The following CLN8 variants were observed in gnomAD, a reference collection of about 807,000 sequenced individuals.
CLN8 encodes the protein protein CLN8.
CLN8 carries 14 observed loss-of-function variants against 15.7 expected under a neutral mutation model. The observed-to-expected ratio is 0.89, with a 90% CI of 0.59 to 1.39. CLN8 has a LOEUF of 1.39. CLN8 is among the 40% of genes most tolerant of loss of function. CLN8 has a pLI of 0.00. For synonymous variants in CLN8, 188 were observed against 151.0 expected (o/e 1.25, Z -1.80); for missense variants, 415 against 364.0 (o/e 1.14, Z -1.14).
chr8:1,757,386 A>G (rs995581319), intron 1 of CLN8, among the ~76,000 whole-genome samples: 1 of 152,232 alleles, frequency 6.6e-6, no homozygotes, highest in Non-Finnish European at 1.5e-5. Context: ...GTGGCCCCAC[A>G]GTAGCTATCT....
intron 2 of CLN8, among the ~76,000 whole-genome samples, chr8:1,772,552 G>A (rs551328072): frequency 5.1e-4 from 78 of 152,204 alleles, no homozygotes; most frequent in African/African-American, 1.8e-3. Context: ...TCCGCCACCC[G>A]GATTCAAGCA....
intron 2 of CLN8, among the ~76,000 whole-genome samples, chr8:1,771,906 A>C (rs1801322409): frequency 6.7e-6 from 1 of 148,820 alleles, no homozygotes; most frequent in Non-Finnish European, 1.5e-5. Context: ...GAAGCACTTA[A>C]TTTTTTCCTT....
chr8:1,760,248 A>G (rs1037135059), upstream of CLN8: 2 of 152,188 alleles, frequency 1.3e-5, no homozygotes, highest in African/African-American at 4.8e-5. Flanking sequence ...TGAAAGAACC[A>G]GTTTATCAAA....
chr8:1,756,242 G>A (rs182655893), intron 1 of CLN8, among the ~76,000 whole-genome samples: 2 of 152,288 alleles, frequency 1.3e-5, no homozygotes, highest in Non-Finnish European at 2.9e-5. Flanking sequence ...CTAGCACTTT[G>A]AGAGGCTGAG....
At chr8:1,769,317 C>T (rs140868339) in intron 1 of CLN8, among the ~76,000 whole-genome samples, 2 of 152,278 alleles carry the variant, frequency 1.3e-5, no homozygotes, top group African/African-American at 4.8e-5. Context: ...TCACAGCGAC[C>T]TTTTTGCCTG....
In CLN8 at chr8:1,771,268, G is replaced by C; in HGVS notation, c.214G>C (p.Val72Leu). The stretch of plus-strand genomic sequence containing the variant: ...CTGGGACCTGGCGGCCACGCGTGCA[G>C]TCTTTGGTGTTCAGAGCACAGCCGC... ...VFWDLAATRA[V>L]FGVQSTAAGL... The change falls in exon 2 of 3, where the codon GTC becomes CTC. Residue 72 changes from valine to leucine, a missense_variant. Coordinates refer to ENST00000331222, the MANE Select transcript of CLN8 (RefSeq NM_018941.4). 1 of 1,614,070 alleles carries C rather than the reference G, an allele frequency of 6.2e-7. No homozygotes were observed. The highest frequency in any genetic ancestry group is 8.5e-7 in the Non-Finnish European group (1 of 1,179,910).
In CLN8 at chr8:1,757,069, A is replaced by G. The variant is rs541777938; in HGVS notation, c.-124+987A>G. Among the ~76,000 whole-genome samples, 3 of 152,290 alleles carry G rather than the reference A, an allele frequency of 2.0e-5. No homozygotes were observed. In the South Asian group the frequency reaches 6.2e-4, roughly 32 times the overall value. ...ATCATTCCAAGAGATGAAGCTGGAG[A>G]GCAGGCCTATTTGGGGCAGCGGAAA... is the stretch of plus-strand genomic sequence containing the variant. On this transcript the variant is annotated intron_variant, in intron 1 of 1. Coordinates refer to the CLN8 transcript ENST00000524258.
intron 2 of CLN8, chr8:1,773,639 A>G (rs983022190): frequency 1.3e-5 from 2 of 152,368 alleles, no homozygotes; most frequent in African/African-American, 4.8e-5. Flanking sequence ...CGTTATTTCC[A>G]TAAGAGTGCA....
upstream of CLN8, among the ~76,000 whole-genome samples, chr8:1,754,106 G>T (rs1007393772): frequency 1.3e-5 from 2 of 152,042 alleles, no homozygotes; most frequent in African/African-American, 4.8e-5. Context: ...TACAAAAATT[G>T]CAAGTTAGCT....
intron 2 of CLN8, among the ~76,000 whole-genome samples, chr8:1,771,929 A>ATATTTATTTATTTATTTATT (rs142696456): frequency 3.2e-4 from 47 of 148,168 alleles, no homozygotes; most frequent in African/African-American, 1.0e-3. Flanking sequence ...TTTTAATACT[A>ATATTTATTTATTTATTTATT]TATTTATTTA....
intron 2 of CLN8, among the ~76,000 whole-genome samples, chr8:1,774,730 C>T (rs953922846): frequency 2.0e-5 from 3 of 152,210 alleles, no homozygotes; most frequent in African/African-American, 7.2e-5. Flanking sequence ...CGGTGGCTCA[C>T]ACCTGTAATC....
chr8:1,777,861 A>C (rs907692795), intron 2 of CLN8, among the ~76,000 whole-genome samples: 1 of 152,198 alleles, frequency 6.6e-6, no homozygotes, highest in Non-Finnish European at 1.5e-5. Flanking sequence ...GAAGGAGTAC[A>C]CTCCAAGATA....
chr8:1,771,150 T>C lies in CLN8; in HGVS notation c.96T>C (p.Phe32=). ...GIRSTLMVAG[F]VFYLGVFVVC... is the part of the protein sequence containing the mutation. Reference sequence around the variant, plus strand: ...GCTCCACGCTGATGGTCGCTGGCTTTGTCTTCTACTTGGGCGTCTTTGTGG... The same window carrying C: ...GCTCCACGCTGATGGTCGCTGGCTTCGTCTTCTACTTGGGCGTCTTTGTGG... Residue 32 remains phenylalanine (F), a synonymous_variant, in exon 2 of 3, where the codon TTT becomes TTC. Coordinates refer to ENST00000331222, the MANE Select transcript of CLN8 (RefSeq NM_018941.4). 6.2e-7 allele frequency: 1 copy of C among 1,614,132 alleles called. No individual in the cohort carries two copies. The highest frequency in any genetic ancestry group is 8.5e-7 in the Non-Finnish European group (1 of 1,180,036).
intron 2 of CLN8, chr8:1,773,658 G>A (rs1801402010): frequency 6.6e-6 from 1 of 152,404 alleles, no homozygotes; most frequent in Non-Finnish European, 1.5e-5. Flanking sequence ...CAGACTTCTG[G>A]GATGCAGGTC....
chr8:1,766,326 G>A (rs1202233644), intron 1 of CLN8, among the ~76,000 whole-genome samples: 1 of 152,056 alleles, frequency 6.6e-6, no homozygotes, highest in East Asian at 1.9e-4. Flanking sequence ...GGTGTGGAAG[G>A]GCTTGGAAGC....
At chr8:1,753,809 C>T (rs1434047146), upstream of CLN8, among the ~76,000 whole-genome samples, 1 of 151,530 alleles carries the variant, frequency 6.6e-6, no homozygotes, top group Non-Finnish European at 1.5e-5. Flanking sequence ...TTGCTTGAAC[C>T]CGGGAGGCAG....
At chr8:1,773,352 T>A (rs1801388096) in intron 2 of CLN8, among the ~76,000 whole-genome samples, 1 of 152,132 alleles carries the variant, frequency 6.6e-6, no homozygotes, top group Non-Finnish European at 1.5e-5. Context: ...CAGGCGATAC[T>A]GGAGACATCC....
chr8:1,763,006 G>A (rs1372120793), upstream of CLN8: 1 of 152,196 alleles, frequency 6.6e-6, no homozygotes, highest in African/African-American at 2.4e-5. Flanking sequence ...AGAAACATAA[G>A]TAACTCGAAT....
At position 1,780,892 on chromosome 8, in the gene CLN8, G is replaced by T; in HGVS notation, c.*325G>T. 1 of 429,070 alleles carries T rather than the reference G, an allele frequency of 2.3e-6. No individual in the cohort carries two copies. The highest frequency in any genetic ancestry group is 4.2e-6 in the Non-Finnish European group (1 of 237,568). 26.6% of individuals were successfully genotyped at this position (429,070 alleles called of 1,614,324 possible). A position where few individuals can be genotyped will look rare whatever the true frequency, so the allele number is the denominator to read the frequency against. ...GGGGTGGCTTTGAATGCTGGAAATG[G>T]CTTCATAGTGAAGTGCCTCCCACAG... On this transcript the variant is annotated 3_prime_UTR_variant, in exon 3 of 3. Transcript: ENST00000331222.
Sources: allele counts gnomAD v4.1 joint callset (sites outside exome capture counted in the v4.1 genomes callset), GRCh38; gene constraint gnomAD v4.1.1; transcripts MANE v1.5; gene names NCBI Gene and HGNC (gene_info 2026-07-23, HGNC 2026-07-21).